The following TPD52 variants were observed in gnomAD, a reference collection of about 807,000 sequenced individuals.
The protein encoded by TPD52 is prostate and colon associated protein.
In TPD52, 17 loss-of-function variants were observed where a neutral mutation model predicts 31.3. That is an observed-to-expected ratio of 0.54 (90% CI 0.37 to 0.82). TPD52 has a LOEUF of 0.82. Ranked by LOEUF, TPD52 falls within the 40% of genes least tolerant of loss-of-function variation. The pLI, the probability that TPD52 is intolerant of heterozygous loss-of-function variation, is 0.00. For synonymous variants in TPD52, 83 were observed against 89.6 expected (o/e 0.93, Z 0.42); for missense variants, 212 against 240.1 (o/e 0.88, Z 0.77).
intron 1 of TPD52, among the ~76,000 whole-genome samples, chr8:80,125,613 G>A (rs995610861): frequency 6.6e-6 from 1 of 151,094 alleles, no homozygotes; most frequent in African/African-American, 2.4e-5. Flanking sequence ...AGATGCCACT[G>A]ACTACAGGAT....
At chr8:80,057,247 C>T (rs1811992235) in intron 2 of TPD52, among the ~76,000 whole-genome samples, 1 of 152,160 alleles carries the variant, frequency 6.6e-6, no homozygotes, top group Non-Finnish European at 1.5e-5. Flanking sequence ...CGGCATTATT[C>T]ATAACAGTCC....
intron 2 of TPD52, among the ~76,000 whole-genome samples, chr8:80,057,756 A>AT (rs1812054144): frequency 1.3e-5 from 2 of 152,314 alleles, no homozygotes; most frequent in African/African-American, 4.8e-5. Context: ...CCTCAACATC[A>AT]TGAGGCATTA....
intron 5 of TPD52, among the ~76,000 whole-genome samples, chr8:80,045,430 A>G (rs889362520): frequency 2.0e-5 from 3 of 152,144 alleles, no homozygotes; most frequent in African/African-American, 4.8e-5. Flanking sequence ...TGGCCTACAA[A>G]TTGTTTGGAA....
chr8:80,040,185 C>CTTTTTTTTTT (rs34611433), intron 7 of TPD52, among the ~76,000 whole-genome samples: 1 of 95,686 alleles, frequency 1.0e-5, no homozygotes, highest in Non-Finnish European at 2.0e-5. Flanking sequence ...ATACGCTATC[C>CTTTTTTTTTT]TTTTTTTTTT....
intron 1 of TPD52, among the ~76,000 whole-genome samples, chr8:80,114,189 A>C (rs2130994336): frequency 6.6e-6 from 1 of 152,304 alleles, no homozygotes; most frequent in African/African-American, 2.4e-5. Context: ...CAGTGAGTGA[A>C]GATCGTGCCA....
chr8:80,129,653 G>C (rs1365912371), intron 1 of TPD52, among the ~76,000 whole-genome samples: 9 of 151,652 alleles, frequency 5.9e-5, no homozygotes, highest in African/African-American at 1.9e-4. Context: ...AATTAGAAAG[G>C]AGAACCGTGG....
At chr8:80,074,847 T>C (rs1007863854) in intron 1 of TPD52, among the ~76,000 whole-genome samples, 2 of 151,968 alleles carry the variant, frequency 1.3e-5, no homozygotes, top group African/African-American at 4.8e-5. Flanking sequence ...AGTAAAACCT[T>C]AGGGGGAAAA....
At chr8:80,076,763 C>G (rs888120588) in intron 1 of TPD52, among the ~76,000 whole-genome samples, 13 of 152,128 alleles carry the variant, frequency 8.5e-5, no homozygotes, top group African/African-American at 2.9e-4. Flanking sequence ...CAATCCCCTC[C>G]TGGGCTCAAG....
chr8:80,167,115 A>T (rs1344191388), intron 1 of TPD52, among the ~76,000 whole-genome samples: 2 of 152,204 alleles, frequency 1.3e-5, no homozygotes, highest in Non-Finnish European at 2.9e-5. Context: ...TCCACTAAAT[A>T]TTAAAATTCC....
At chr8:80,091,268 A>C (rs1161624195) in intron 1 of TPD52, among the ~76,000 whole-genome samples, 2 of 152,076 alleles carry the variant, frequency 1.3e-5, no homozygotes, top group African/African-American at 4.8e-5. Flanking sequence ...GGAGATCAAG[A>C]CCATCTTGGC....
At chr8:80,032,797 T>C (rs992394995), downstream of TPD52, 3 of 152,250 alleles carry the variant, frequency 2.0e-5, no homozygotes, top group African/African-American at 7.2e-5. Flanking sequence ...GAAAGGATAG[T>C]GTCACAAAGT....
At chr8:80,080,721 C>A (rs1218915391) in intron 1 of TPD52, 7 of 1,133,852 alleles carry the variant, frequency 6.2e-6, no homozygotes, top group Non-Finnish European at 5.4e-6. Flanking sequence ...TAATTTCGAT[C>A]AACAATGAAA....
chr8:80,096,762 CA>C (rs1236293617), intron 1 of TPD52, among the ~76,000 whole-genome samples: 1 of 152,166 alleles, frequency 6.6e-6, no homozygotes, highest in Non-Finnish European at 1.5e-5. Context: ...GACTGTTCCA[CA>C]AACTGGCCAT....
At position 80,044,315 on chromosome 8, in the gene TPD52, C is replaced by A. The variant is rs1229852696; in HGVS notation, c.414-107G>T. 1.8e-5 allele frequency: 15 copies of A among 848,630 alleles called. No homozygotes were observed. In the South Asian group the frequency reaches 2.1e-4, roughly 12 times the overall value. 52.6% of individuals were successfully genotyped at this position (848,630 alleles called of 1,614,324 possible). A position where few individuals can be genotyped will look rare whatever the true frequency, so the allele number is the denominator to read the frequency against. ...CTCCCCAGGAGCTTTATTCTCTTGG[C>A]GCCATGAAGAATTACCTACTTTTTG... On this transcript the variant is annotated intron_variant, in intron 5 of 7. Coordinates refer to ENST00000518937, the MANE Select transcript of TPD52 (RefSeq NM_001025253.3).
At chr8:80,147,688 G>A (rs1413093250) in intron 1 of TPD52, among the ~76,000 whole-genome samples, 1 of 152,226 alleles carries the variant, frequency 6.6e-6, no homozygotes, top group East Asian at 1.9e-4. Flanking sequence ...CAGGGCAGCA[G>A]GGCAAAGGCG....
intron 1 of TPD52, among the ~76,000 whole-genome samples, chr8:80,162,036 A>T (rs1811400701): frequency 6.6e-6 from 1 of 152,082 alleles, no homozygotes; most frequent in South Asian, 2.1e-4. Context: ...GCCTTAAATA[A>T]TTTTTAAAAC....
intron 1 of TPD52, among the ~76,000 whole-genome samples, chr8:80,126,818 C>T (rs1049157527): frequency 6.6e-6 from 1 of 152,120 alleles, no homozygotes; most frequent in Non-Finnish European, 1.5e-5. Flanking sequence ...TTATTTACAA[C>T]AGTTTCATTT....
chr8:80,123,636 T>C (rs1013289843), intron 1 of TPD52, among the ~76,000 whole-genome samples: 10 of 152,144 alleles, frequency 6.6e-5, no homozygotes, highest in Admixed American at 2.0e-4. Context: ...GCGTGGGCAG[T>C]TGGAAATAAG....
At position 80,146,890 on chromosome 8, in the gene TPD52, ATGC is replaced by A. The variant is rs1489502042; in HGVS notation, c.19+24532_19+24534del. ...TAAAAGGCACACACAAAAAAATCCCATGCTATATAGCATTCCCAAATGTGGTCC... is the reference window on the plus strand; with the variant it reads ...TAAAAGGCACACACAAAAAAATCCCATATATAGCATTCCCAAATGTGGTCC... On this transcript the variant is annotated intron_variant, in intron 1 of 7. Transcript: ENST00000518937. 8.5e-5 allele frequency among the ~76,000 whole-genome samples: 13 copies of A among 152,358 alleles called. No individual in the cohort carries two copies. The East Asian group carries it at 2.5e-3, about 29-fold the overall frequency.
Sources: allele counts gnomAD v4.1 joint callset (sites outside exome capture counted in the v4.1 genomes callset), GRCh38; gene constraint gnomAD v4.1.1; transcripts MANE v1.5; gene names NCBI Gene and HGNC (gene_info 2026-07-23, HGNC 2026-07-21).